The following DMRT1 variants were observed in gnomAD, a reference collection of about 807,000 sequenced individuals.
DMRT1 encodes doublesex- and mab-3-related transcription factor 1.
DMRT1 carries 7 observed loss-of-function variants against 32.3 expected under a neutral mutation model. The ratio of observed to expected loss-of-function variants is 0.22; its 90% CI spans 0.12 to 0.41. The LOEUF (loss-of-function observed/expected upper bound fraction) is 0.41. DMRT1 is among the 10% of genes least tolerant of loss of function. The pLI, the probability that DMRT1 is intolerant of heterozygous loss-of-function variation, is 1.00. For synonymous variants in DMRT1, 278 were observed against 206.1 expected, an observed-to-expected ratio of 1.35 and a Z score of -2.99; for missense variants, 625 against 500.5, an observed-to-expected ratio of 1.25 and a Z score of -2.37.
At chr9:873,648 C>A (rs994626231) in intron 2 of DMRT1, among the ~76,000 whole-genome samples, 1 of 152,052 alleles carries the variant, frequency 6.6e-6, no homozygotes, top group Non-Finnish European at 1.5e-5. Context: ...CTTAGGTTAT[C>A]GCTAGGTCTT....
chr9:867,770 C>T (rs1323202782), intron 2 of DMRT1, among the ~76,000 whole-genome samples: 1 of 152,166 alleles, frequency 6.6e-6, no homozygotes, highest in African/African-American at 2.4e-5. Context: ...TGGTTTGTAT[C>T]TTGGTACAAG....
At chr9:904,781 C>T (rs1817706623) in intron 3 of DMRT1, among the ~76,000 whole-genome samples, 1 of 152,102 alleles carries the variant, frequency 6.6e-6, no homozygotes, top group Admixed American at 6.5e-5. Flanking sequence ...CCTGTCTCTA[C>T]TAAAAATACA....
intron 2 of DMRT1, among the ~76,000 whole-genome samples, chr9:860,329 A>C (rs1383276940): frequency 6.6e-6 from 1 of 152,144 alleles, no homozygotes; most frequent in Non-Finnish European, 1.5e-5. Flanking sequence ...AGTAAAATAA[A>C]ATACACAAAA....
chr9:926,414 C>T (rs1301677730), intron 4 of DMRT1, among the ~76,000 whole-genome samples: 1 of 152,154 alleles, frequency 6.6e-6, no homozygotes, highest in Admixed American at 6.5e-5. Context: ...AATATTTATT[C>T]TCTTTTTTCC....
chr9:933,723 A>G (rs999237343), intron 4 of DMRT1, among the ~76,000 whole-genome samples: 9 of 152,244 alleles, frequency 5.9e-5, no homozygotes, highest in Admixed American at 5.2e-4. Context: ...CTTTGTGGCT[A>G]CAAGAGGCTA....
chr9:841,830 A>AG lies in DMRT1; in HGVS notation c.-5dup, dbSNP rs1838692590. 1 of 1,607,476 alleles carries AG rather than the reference A, an allele frequency of 6.2e-7. No individual in the cohort carries two copies. Among genetic ancestry groups the AG allele is most frequent in the Non-Finnish European group, 8.5e-7 (1 of 1,177,510 alleles). ...GGGCCAGAGTGCTCGCACTTCTCCT[A>AG]GGGGCACCATGCCCAACGACGAGGC... is the stretch of plus-strand genomic sequence containing the variant. On this transcript the variant is annotated 5_prime_UTR_variant, in exon 1 of 5. Coordinates refer to ENST00000382276, the MANE Select transcript of DMRT1 (RefSeq NM_021951.3).
intron 2 of DMRT1, among the ~76,000 whole-genome samples, chr9:853,735 C>T (rs926756651): frequency 6.6e-6 from 1 of 151,856 alleles, no homozygotes; most frequent in Non-Finnish European, 1.5e-5. Flanking sequence ...GAACTCCTGA[C>T]CTCAGGTGCT....
At chr9:893,614 G>A (rs577882714) in intron 2 of DMRT1, among the ~76,000 whole-genome samples, 1 of 152,320 alleles carries the variant, frequency 6.6e-6, no homozygotes, top group African/African-American at 2.4e-5. Flanking sequence ...TTGACATTAG[G>A]ATAGGAATTT....
At chr9:915,276 G>A (rs1445342534) in intron 3 of DMRT1, among the ~76,000 whole-genome samples, 3 of 152,172 alleles carry the variant, frequency 2.0e-5, no homozygotes, top group Admixed American at 6.5e-5. Flanking sequence ...GGGTCTAGAT[G>A]TTCATGGAAG....
Position 841,728 on chromosome 9 carries a change from C to G in DMRT1, c.-111C>G, listed in dbSNP as rs1479664989. ...GCTGCGCCTCCGGCTGCAGCGCACA[C>G]GTCTCCTGCGCCTCCTCCTCCGGAG... On this transcript the variant is annotated 5_prime_UTR_variant, in exon 1 of 5. Transcript: ENST00000382276. The G allele has an allele frequency of 3.2e-6, 5 of 1,544,072 alleles. No individual in the cohort carries two copies. Among genetic ancestry groups the G allele is most frequent in the Admixed American group, 2.0e-5 (1 of 51,004 alleles).
chr9:956,532 C>G (rs765490907), intron 4 of DMRT1, among the ~76,000 whole-genome samples: 4 of 150,454 alleles, frequency 2.7e-5, no homozygotes, highest in Non-Finnish European at 4.4e-5. Context: ...CCATTGCACT[C>G]CAGCCTGGGA....
chr9:886,314 G>A (rs965825027), intron 2 of DMRT1, among the ~76,000 whole-genome samples: 4 of 152,196 alleles, frequency 2.6e-5, no homozygotes, highest in African/African-American at 9.7e-5. Flanking sequence ...GCAGTGCAAT[G>A]GTGCGATCTC....
chr9:913,916 C>A (rs563580528), intron 3 of DMRT1, among the ~76,000 whole-genome samples: 1 of 151,936 alleles, frequency 6.6e-6, no homozygotes, highest in African/African-American at 2.4e-5. Flanking sequence ...TAAAGGGTTT[C>A]CTTTGGTCTT....
At chr9:897,352 G>C (rs558079690) in intron 3 of DMRT1, among the ~76,000 whole-genome samples, 4 of 151,768 alleles carry the variant, frequency 2.6e-5, no homozygotes, top group African/African-American at 9.7e-5. Context: ...TCCTGACCTC[G>C]TGATCCACCA....
chr9:879,870 A>T (rs1218098234), intron 2 of DMRT1, among the ~76,000 whole-genome samples: 2 of 152,226 alleles, frequency 1.3e-5, no homozygotes. Context: ...TAAGTTATGT[A>T]CAACTTCCAA....
At chr9:851,180 A>G (rs1439213977) in intron 2 of DMRT1, among the ~76,000 whole-genome samples, 2 of 152,158 alleles carry the variant, frequency 1.3e-5, no homozygotes. Flanking sequence ...TCTACTTTCT[A>G]ATACCTGATG....
chr9:868,305 A>T (rs984038128), intron 2 of DMRT1, among the ~76,000 whole-genome samples: 3 of 152,174 alleles, frequency 2.0e-5, no homozygotes, highest in Non-Finnish European at 4.4e-5. Flanking sequence ...CAAGGCAAGC[A>T]TTATCCTGGA....
chr9:960,415 A>C (rs556605051), intron 4 of DMRT1, among the ~76,000 whole-genome samples: 2 of 152,230 alleles, frequency 1.3e-5, no homozygotes, highest in African/African-American at 4.8e-5. Flanking sequence ...GACACTCACA[A>C]TTCTTTCCTG....
At chr9:936,702 C>T (rs1008711352) in intron 4 of DMRT1, among the ~76,000 whole-genome samples, 5 of 146,504 alleles carry the variant, frequency 3.4e-5, no homozygotes, top group African/African-American at 7.7e-5. Context: ...TGCAGTGAGC[C>T]GAGATCACAC....
Sources: gnomAD v4.1 joint callset for allele counts (sites outside exome capture counted in the v4.1 genomes callset) on GRCh38, gnomAD v4.1.1 for gene constraint, MANE v1.5 for transcripts, NCBI Gene and HGNC (gene_info 2026-07-23, HGNC 2026-07-21) for gene names.